The following SAP130 variants were observed in gnomAD, a reference collection of about 807,000 sequenced individuals.
SAP130 encodes Sin3A associated protein 130.
Under a neutral mutation model 103.2 loss-of-function variants are expected in SAP130, and 16 were observed. That is an observed-to-expected ratio of 0.16 (90% CI 0.10 to 0.24). The LOEUF (loss-of-function observed/expected upper bound fraction) is 0.24. Ranked by LOEUF, SAP130 falls within the 10% of genes least tolerant of loss-of-function variation. The pLI is 1.00. For missense variants in SAP130, 990 were observed against 1,359.7 expected, an observed-to-expected ratio of 0.73 and a Z score of 4.28; for synonymous variants, 477 against 497.0, an observed-to-expected ratio of 0.96 and a Z score of 0.53.
intron 1 of SAP130, among the ~76,000 whole-genome samples, chr2:128,027,580 G>A (rs1297431866): frequency 3.3e-5 from 5 of 151,356 alleles, no homozygotes; most frequent in Middle Eastern, 3.2e-3. Context: ...CGGATGTGGA[G>A]AGTCACTTTA....
chr2:127,946,344 C>T (rs913357319), intron 18 of SAP130, among the ~76,000 whole-genome samples: 1 of 152,124 alleles, frequency 6.6e-6, no homozygotes, highest in Non-Finnish European at 1.5e-5. Context: ...AAGGAAAGAA[C>T]AAAGCATAAG....
intron 15 of SAP130, among the ~76,000 whole-genome samples, chr2:127,975,556 T>C (rs1021124969): frequency 6.6e-6 from 1 of 151,784 alleles, no homozygotes; most frequent in African/African-American, 2.4e-5. Context: ...GGATTGACAA[T>C]AGTAATAACC....
chr2:127,968,414 GT>G (rs772856433), intron 15 of SAP130, among the ~76,000 whole-genome samples: 3,413 of 133,946 alleles, frequency 0.025, 137 homozygotes, highest in African/African-American at 0.085. Flanking sequence ...CCCGGAGTTG[GT>G]TTTTTTTTTT....
At chr2:128,016,013 T>C (rs1684749725) in intron 4 of SAP130, among the ~76,000 whole-genome samples, 2 of 150,450 alleles carry the variant, frequency 1.3e-5, no homozygotes, top group Non-Finnish European at 2.9e-5. Context: ...GCACATCTGC[T>C]CTCCTCAGAG....
intron 18 of SAP130, 27 bp downstream of exon 18, chr2:127,949,842 A>G (rs1355297978): frequency 1.9e-6 from 3 of 1,610,956 alleles, no homozygotes; most frequent in South Asian, 2.2e-5. Context: ...TCATGCATTA[A>G]TATCAAGTGT....
rs151177301 is a variant in SAP130 at position 127,974,890 on chromosome 2, TCAGTA to T, written c.2063+3090_2063+3094del. On this transcript the variant is annotated intron_variant, in intron 15 of 20. Transcript: ENST00000643581. ...ACTGTGTTACCACTGCCTATAGTAT[TCAGTA>T]CAGTAAAGTCCTGTACAGATTTTTA... is the stretch of plus-strand genomic sequence containing the variant. Among the ~76,000 whole-genome samples, 397 of 152,326 alleles carry T rather than the reference TCAGTA, an allele frequency of 2.6e-3. 2 individuals are homozygous for T. The highest frequency in any genetic ancestry group is 8.7e-3 in the African/African-American group (362 of 41,588).
intron 2 of SAP130, among the ~76,000 whole-genome samples, chr2:128,021,599 A>G (rs769747916): frequency 1.5e-4 from 23 of 152,226 alleles, no homozygotes; most frequent in Non-Finnish European, 8.8e-5. Flanking sequence ...TACATAGAAT[A>G]CCACCACTGG....
At chr2:127,961,640 C>T (rs541896992) in intron 15 of SAP130, among the ~76,000 whole-genome samples, 5 of 151,470 alleles carry the variant, frequency 3.3e-5, no homozygotes, top group African/African-American at 1.2e-4. Flanking sequence ...ATTCAACAGA[C>T]TAAAAAACTA....
chr2:127,990,771 TCTCTATA>T (rs1360260842), intron 12 of SAP130, among the ~76,000 whole-genome samples: 1 of 151,864 alleles, frequency 6.6e-6, no homozygotes, highest in African/African-American at 2.4e-5. Context: ...CAAGACCCTA[TCTCTATA>T]AAAAATTAAA....
chr2:127,950,447 C>CA, intron 16 of SAP130, 39 bp from the exon 17 acceptor site: 1 of 1,606,842 alleles, frequency 6.2e-7, no homozygotes, highest in Non-Finnish European at 8.5e-7. Flanking sequence ...TGTAAGAACT[C>CA]AAAGATAACA....
chr2:128,025,289 T>G (rs1344617164), intron 2 of SAP130, among the ~76,000 whole-genome samples: 1 of 152,218 alleles, frequency 6.6e-6, no homozygotes, highest in Admixed American at 6.5e-5. Context: ...ACCTATCAGA[T>G]GCCAATAGTA....
chr2:127,993,689 A>G (rs903805039), intron 11 of SAP130, among the ~76,000 whole-genome samples: 4 of 152,208 alleles, frequency 2.6e-5, no homozygotes, highest in African/African-American at 9.7e-5. Context: ...AAAACAAATA[A>G]TCCCAATTTC....
chr2:127,960,677 G>A lies in SAP130; in HGVS notation c.2064-5333C>T, dbSNP rs143277408. ...AGTAATGCATTCACATGTTTCAAAC[G>A]ATATATCAAGAAAGCTCCCTTTTTC... On this transcript the variant is annotated intron_variant, in intron 15 of 20. Coordinates refer to ENST00000643581, the MANE Select transcript of SAP130 (RefSeq NM_001330301.2). Among the ~76,000 whole-genome samples, 28 of 152,086 alleles carry A rather than the reference G, an allele frequency of 1.8e-4. No homozygotes were observed. In the Middle Eastern group the frequency reaches 0.01, roughly 55 times the overall value.
Position 127,986,426 on chromosome 2 carries a change from G to A in SAP130, c.1958+359C>T, listed in dbSNP as rs946651178. Among the ~76,000 whole-genome samples the A allele has an allele frequency of 6.6e-6, 1 of 152,216 alleles. No individual in the cohort carries two copies. Among genetic ancestry groups the A allele is most frequent in the Non-Finnish European group, 1.5e-5 (1 of 68,040 alleles). On this transcript the variant is annotated intron_variant, in intron 14 of 20. Coordinates refer to ENST00000643581, the MANE Select transcript of SAP130 (RefSeq NM_001330301.2). The surrounding 1 kb of genome is among the most constrained non-coding windows in gnomAD (Gnocchi z 4.7). The stretch of plus-strand genomic sequence containing the variant: ...TCCCGTTTCAACAGCAACGATTCAT[G>A]CTGAATGAAGTTTATAGTATGAGTT...
chr2:127,994,612 C>T (rs1197461986), intron 11 of SAP130, among the ~76,000 whole-genome samples: 1 of 151,446 alleles, frequency 6.6e-6, no homozygotes, highest in South Asian at 2.1e-4. Context: ...AAAAAAACTT[C>T]GCCAGGCATG....
Position 127,986,704 on chromosome 2 carries a change from G to T in SAP130, c.1958+81C>A. 1 of 1,383,800 alleles carries T rather than the reference G, an allele frequency of 7.2e-7. No homozygotes were observed. The highest frequency in any genetic ancestry group is 1.0e-6 in the Non-Finnish European group (1 of 1,001,494). 85.7% of individuals were successfully genotyped at this position (1,383,800 alleles called of 1,614,324 possible). On this transcript the variant is annotated intron_variant, in intron 14 of 20. Coordinates refer to ENST00000643581, the MANE Select transcript of SAP130 (RefSeq NM_001330301.2). This position sits in a 1 kb window ranked among gnomAD's most constrained non-coding sequence, Gnocchi z 4.7. ...AAAATGAGAGATGAGTTTGATACCA[G>T]CATTAGATAAGAGTGCCTATTATGT...
rs1259966085 is a variant in SAP130 at position 127,945,663 on chromosome 2, T to C, written c.2798-104A>G. 11 of 722,064 alleles carry C rather than the reference T, an allele frequency of 1.5e-5. No homozygotes were observed. The East Asian group carries it at 3.0e-4, about 20-fold the overall frequency. 44.7% of individuals were successfully genotyped at this position (722,064 alleles called of 1,614,324 possible). ...CCATTATTTTAACAAGAATTTTATT[T>C]TTTTTTTGAGACAGTGTCTGGCTCT... On this transcript the variant is annotated intron_variant, in intron 18 of 20. Coordinates refer to ENST00000643581, the MANE Select transcript of SAP130 (RefSeq NM_001330301.2).
In SAP130 at chr2:127,977,432, C is replaced by T. The variant is rs183383073; in HGVS notation, c.2063+553G>A. Among the ~76,000 whole-genome samples the T allele has an allele frequency of 4.6e-3, 693 of 151,756 alleles. 6 individuals are homozygous for T. The highest frequency in any genetic ancestry group is 0.016 in the African/African-American group (645 of 41,394). ...GGAGAATTGCTTGAACATGGGAGGC[C>T]GAAGTTGCAGTGAGCCGAGATAGTG... On this transcript the variant is annotated intron_variant, in intron 15 of 20. Coordinates refer to ENST00000643581, the MANE Select transcript of SAP130 (RefSeq NM_001330301.2).
intron 15 of SAP130, among the ~76,000 whole-genome samples, chr2:127,960,665 C>T (rs1223833520): frequency 2.0e-5 from 3 of 152,152 alleles, no homozygotes; most frequent in African/African-American, 7.2e-5. Flanking sequence ...AATGCATTCA[C>T]ATGTTTCAAA....
Sources: gnomAD v4.1 joint callset for allele counts (sites outside exome capture counted in the v4.1 genomes callset) on GRCh38, gnomAD v4.1.1 for gene constraint, Gnocchi (gnomAD v3.1) non-coding constraint, MANE v1.5 for transcripts, NCBI Gene and HGNC (gene_info 2026-07-23, HGNC 2026-07-21) for gene names.